The following PLEKHA5 variants were observed in gnomAD, a reference collection of about 807,000 sequenced individuals.
The protein encoded by PLEKHA5 is pleckstrin homology domain containing A5.
Under a neutral mutation model 181.9 loss-of-function variants are expected in PLEKHA5, and 55 were observed. The ratio of observed to expected loss-of-function variants is 0.30; its 90% CI spans 0.24 to 0.38. The LOEUF is 0.38. Ranked by LOEUF, PLEKHA5 falls within the 10% of genes least tolerant of loss-of-function variation. The pLI is 1.00. For missense variants in PLEKHA5, 1,432 were observed against 1,549.5 expected, an observed-to-expected ratio of 0.92 and a Z score of 1.27; for synonymous variants, 535 against 529.4, an observed-to-expected ratio of 1.01 and a Z score of -0.15.
intron 15 of PLEKHA5, chr12:19,306,455 T>C: frequency 4.8e-6 from 3 of 620,052 alleles, no homozygotes; most frequent in South Asian, 3.0e-5. Context: ...TAGCATCGGA[T>C]ACCCACCTCC....
chr12:19,280,847 A>AC (rs1247352467), intron 11 of PLEKHA5, among the ~76,000 whole-genome samples: 1 of 151,872 alleles, frequency 6.6e-6, no homozygotes, highest in Non-Finnish European at 1.5e-5. Context: ...AGTAGCTGGA[A>AC]CTACAGGCGT....
chr12:19,215,980 TA>T (rs772644765), intron 3 of PLEKHA5, among the ~76,000 whole-genome samples: 2 of 152,162 alleles, frequency 1.3e-5, no homozygotes, highest in Admixed American at 6.6e-5. Flanking sequence ...AAAATATAGA[TA>T]AGTTTAGAAG....
At chr12:19,282,667 CAAAT>C (rs1310227231) in intron 11 of PLEKHA5, among the ~76,000 whole-genome samples, 1 of 152,030 alleles carries the variant, frequency 6.6e-6, no homozygotes, top group Non-Finnish European at 1.5e-5. Flanking sequence ...TATATAAAAA[CAAAT>C]AAAATATAGT....
chr12:19,245,152 C>T (rs1439346748), intron 3 of PLEKHA5, among the ~76,000 whole-genome samples: 2 of 152,192 alleles, frequency 1.3e-5, no homozygotes, highest in African/African-American at 4.8e-5. Flanking sequence ...ACTAGTAAAA[C>T]CATTTTCCTC....
chr12:19,255,203 G>A lies in PLEKHA5; in HGVS notation c.432+38G>A, dbSNP rs574221298. On this transcript the variant is annotated intron_variant, in intron 5 of 31. Transcript: ENST00000429027. ...GCTTTATATTAATTATTGATAAGGA[G>A]TAAACAGTATCTATACCGTTACTCA... 4.9e-6 allele frequency: 7 copies of A among 1,421,542 alleles called. No homozygotes were observed. In the East Asian group the frequency reaches 1.6e-4, roughly 33 times the overall value. 88.1% of individuals were successfully genotyped at this position (1,421,542 alleles called of 1,614,324 possible). A position where few individuals can be genotyped will look rare whatever the true frequency, so the allele number is the denominator to read the frequency against.
intron 12 of PLEKHA5, among the ~76,000 whole-genome samples, chr12:19,285,526 C>T (rs542763795): frequency 1.3e-5 from 2 of 152,262 alleles, no homozygotes; most frequent in African/African-American, 4.8e-5. Context: ...CTCCCATGAC[C>T]GTTTCAGGGA....
Position 19,347,068 on chromosome 12 carries a change from C to T in PLEKHA5, c.2784C>T (p.Pro928=). Reference sequence around the variant, plus strand: ...TTACAGAGCAGCCTCCCATAATCCCCCCTCTGCCCAGTGATAGCAGCTCCT... The same window carrying T: ...TTACAGAGCAGCCTCCCATAATCCCTCCTCTGCCCAGTGATAGCAGCTCCT... ...YDFTEQPPII[P]PLPSDSSSLL... Residue 928 remains proline, a synonymous_variant, in exon 24 of 32, where the codon CCC becomes CCT. Transcript: ENST00000429027. 1 of 1,551,576 alleles carries T rather than the reference C, an allele frequency of 6.4e-7. No individual in the cohort carries two copies. Among genetic ancestry groups the T allele is most frequent in the Non-Finnish European group, 8.7e-7 (1 of 1,146,750 alleles).
intron 3 of PLEKHA5, among the ~76,000 whole-genome samples, chr12:19,244,953 T>C (rs2063379133): frequency 6.6e-6 from 1 of 152,116 alleles, no homozygotes; most frequent in South Asian, 2.1e-4. Context: ...GCTTTGTCAC[T>C]GAAGTTGCCC....
intron 15 of PLEKHA5, among the ~76,000 whole-genome samples, chr12:19,295,544 A>C (rs1195558202): frequency 1.3e-5 from 2 of 152,132 alleles, no homozygotes; most frequent in Admixed American, 1.3e-4. Flanking sequence ...TTTATGAGGG[A>C]AAAAGAAAAT....
At chr12:19,145,712 T>C (rs2151204320) in intron 3 of PLEKHA5, among the ~76,000 whole-genome samples, 1 of 152,108 alleles carries the variant, frequency 6.6e-6, no homozygotes, top group East Asian at 1.9e-4. Flanking sequence ...AGAAGTATGA[T>C]AGTGAACCAA....
At chr12:19,307,691 A>G (rs1282144597) in intron 15 of PLEKHA5, 2 of 344,842 alleles carry the variant, frequency 5.8e-6, no homozygotes, top group African/African-American at 2.2e-5. Context: ...GACAGAGAAG[A>G]TCTCATTCCA....
chr12:19,239,051 C>T (rs185075166), intron 3 of PLEKHA5, among the ~76,000 whole-genome samples: 133 of 152,140 alleles, frequency 8.7e-4, no homozygotes, highest in Non-Finnish European at 1.7e-3. Context: ...TTCTTAAGGC[C>T]CTTATAGTCT....
At chr12:19,163,776 C>T (rs2043564987) in intron 3 of PLEKHA5, among the ~76,000 whole-genome samples, 1 of 152,042 alleles carries the variant, frequency 6.6e-6, no homozygotes, top group Admixed American at 6.6e-5. Flanking sequence ...CACCTGAGTC[C>T]TCAGTAAACA....
At chr12:19,176,202 C>T (rs566983359) in intron 3 of PLEKHA5, 1 of 151,394 alleles carries the variant, frequency 6.6e-6, no homozygotes, top group Non-Finnish European at 1.5e-5. Context: ...GTCCCCCCCC[C>T]ACCTTCCTCC....
At chr12:19,235,523 C>G (rs1340247604) in intron 3 of PLEKHA5, among the ~76,000 whole-genome samples, 1 of 152,128 alleles carries the variant, frequency 6.6e-6, no homozygotes, top group Non-Finnish European at 1.5e-5. Flanking sequence ...GTTCTAATTG[C>G]TTGACATGGT....
chr12:19,255,099 A>G lies in PLEKHA5; in HGVS notation c.366A>G (p.Ile122Met). ...EEKKERPISM[I>M]NEASNYNVTS... ...AGAAGGAACGGCCAATAAGTATGAT[A>G]AATGAAGCTTCTAACTATAACGTGA... Residue 122 changes from isoleucine (I) to methionine (M), a missense_variant, in exon 5 of 32, where the codon ATA becomes ATG. By Grantham distance (10) the Ile-to-Met change is conservative. This residue lies in a region of PLEKHA5 where 289 missense variants were observed against 381.1 expected (regional missense o/e 0.76). Transcript: ENST00000429027. The G allele has an allele frequency of 1.9e-6, 3 of 1,610,074 alleles. No homozygotes were observed. Among genetic ancestry groups the G allele is most frequent in the Non-Finnish European group, 2.5e-6 (3 of 1,176,842 alleles).
At chr12:19,144,027 A>G (rs956608358) in intron 3 of PLEKHA5, among the ~76,000 whole-genome samples, 4 of 152,178 alleles carry the variant, frequency 2.6e-5, no homozygotes, top group Admixed American at 6.6e-5. Context: ...TGCCCTTTAG[A>G]AAATTTGTGC....
chr12:19,373,934 A>G (rs12820459), intron 31 of PLEKHA5, among the ~76,000 whole-genome samples: 33,942 of 107,386 alleles, frequency 0.32, 3,788 homozygotes, highest in Middle Eastern at 0.44. Flanking sequence ...ATAGGATTTT[A>G]TTTTGTTTTC....
At chr12:19,188,171 TCAAGAGCAGG>T (rs1352180607) in intron 3 of PLEKHA5, among the ~76,000 whole-genome samples, 1 of 152,212 alleles carries the variant, frequency 6.6e-6, no homozygotes, top group East Asian at 1.9e-4. Context: ...TACTAGGTTG[TCAAGAGCAGG>T]TACAAATAGA....
Sources: gnomAD v4.1 joint callset for allele counts (sites outside exome capture counted in the v4.1 genomes callset) on GRCh38, gnomAD v4.1.1 for gene constraint, gnomAD v4.1.1 regional missense constraint, MANE v1.5 for transcripts, NCBI Gene and HGNC (gene_info 2026-07-23, HGNC 2026-07-21) for gene names.